GALNTL6: variants seen among roughly 807,000 people sequenced by gnomAD.
The protein encoded by GALNTL6 is polypeptide N-acetylgalactosaminyltransferase-like 6.
Under a neutral mutation model 73.7 loss-of-function variants are expected in GALNTL6, and 46 were observed. The ratio of observed to expected loss-of-function variants is 0.62; its 90% confidence interval spans 0.49 to 0.80. The LOEUF (loss-of-function observed/expected upper bound fraction) is 0.80. Among genes scored for constraint, GALNTL6 ranks in the 30% least tolerant of loss-of-function variants. The pLI is 0.00. For missense variants in GALNTL6, 604 were observed against 755.0 expected (o/e 0.80, Z 2.34); for synonymous variants, 259 against 263.7 (o/e 0.98, Z 0.17).
At chr4:172,493,420 A>G (rs1296241983) in intron 5 of GALNTL6, among the ~76,000 whole-genome samples, 1 of 152,222 alleles carries the variant, frequency 6.6e-6, no homozygotes, top group Non-Finnish European at 1.5e-5. Flanking sequence ...GAAATAGATT[A>G]TGTCAAACAG....
intron 3 of GALNTL6, among the ~76,000 whole-genome samples, chr4:172,288,853 C>T (rs1739362497): frequency 6.6e-6 from 1 of 151,894 alleles, no homozygotes; most frequent in Admixed American, 6.6e-5. Flanking sequence ...ATGAATTGAC[C>T]ATGTTATAAA....
At chr4:171,936,054 T>TA (rs921364702) in intron 2 of GALNTL6, among the ~76,000 whole-genome samples, 1 of 152,138 alleles carries the variant, frequency 6.6e-6, no homozygotes, top group African/African-American at 2.4e-5. Flanking sequence ...ATAGAAAACT[T>TA]AGACAAAAAA....
Position 172,304,179 on chromosome 4 carries a change from A to G in GALNTL6, c.248-7435A>G, listed in dbSNP as rs141242091. ...GTAGGTGCTTAATATGTGCTTTTGA[A>G]TAAGTACATGAATAACTTTCTTCAT... On this transcript the variant is annotated intron_variant, in intron 3 of 12. Transcript: ENST00000506823. Among the ~76,000 whole-genome samples the G allele has an allele frequency of 6.0e-3, 914 of 152,302 alleles. 11 individuals carry two copies. The highest frequency in any genetic ancestry group is 0.02 in the African/African-American group (846 of 41,560).
chr4:172,609,356 A>C (rs899315243), intron 5 of GALNTL6, among the ~76,000 whole-genome samples: 2 of 152,092 alleles, frequency 1.3e-5, no homozygotes, highest in African/African-American at 4.8e-5. Flanking sequence ...GACATGTAGT[A>C]TGTTGAATTT....
chr4:172,008,861 C>T (rs548471880), intron 2 of GALNTL6, among the ~76,000 whole-genome samples: 41 of 152,124 alleles, frequency 2.7e-4, no homozygotes, highest in Middle Eastern at 3.4e-3. Flanking sequence ...GAATCTACCT[C>T]TACTGCTTAG....
intron 5 of GALNTL6, among the ~76,000 whole-genome samples, chr4:172,544,027 G>A (rs1457353693): frequency 3.3e-5 from 5 of 152,176 alleles, no homozygotes; most frequent in Non-Finnish European, 5.9e-5. Flanking sequence ...AGACATGCCC[G>A]AGAGGTGGAG....
chr4:172,253,978 A>G (rs1466607151), intron 3 of GALNTL6, among the ~76,000 whole-genome samples: 1 of 151,826 alleles, frequency 6.6e-6, no homozygotes, highest in Admixed American at 6.6e-5. Context: ...GGGCACTAAA[A>G]TATGGTTACA....
intron 4 of GALNTL6, among the ~76,000 whole-genome samples, chr4:172,323,063 T>G (rs1740813616): frequency 6.6e-6 from 1 of 152,150 alleles, no homozygotes; most frequent in African/African-American, 2.4e-5. Flanking sequence ...CATGAGCACA[T>G]GGCTGCAGGA....
intron 5 of GALNTL6, among the ~76,000 whole-genome samples, chr4:172,670,084 G>A (rs192930520): frequency 1.8e-4 from 27 of 152,302 alleles, no homozygotes; most frequent in South Asian, 4.1e-4. Flanking sequence ...GGGCATTTAG[G>A]TTGATTCCAT....
intron 5 of GALNTL6, among the ~76,000 whole-genome samples, chr4:172,450,164 C>G (rs577368307): frequency 6.6e-6 from 1 of 151,610 alleles, no homozygotes; most frequent in East Asian, 1.9e-4. Flanking sequence ...TTGCAGTGAG[C>G]CAAGATCACG....
intron 5 of GALNTL6, among the ~76,000 whole-genome samples, chr4:172,443,446 G>T (rs1178037100): frequency 6.6e-6 from 1 of 151,712 alleles, no homozygotes; most frequent in African/African-American, 2.4e-5. Context: ...GATTGCAGGC[G>T]TGAGCCACTG....
At chr4:172,129,531 G>A (rs1338344195) in intron 2 of GALNTL6, among the ~76,000 whole-genome samples, 5 of 152,024 alleles carry the variant, frequency 3.3e-5, no homozygotes, top group Non-Finnish European at 5.9e-5. Context: ...ATTCCTTTCA[G>A]AACATGATCA....
chr4:172,254,043 G>A (rs1737986674), intron 3 of GALNTL6, among the ~76,000 whole-genome samples: 1 of 151,772 alleles, frequency 6.6e-6, no homozygotes, highest in Non-Finnish European at 1.5e-5. Flanking sequence ...AAGAAGGTCA[G>A]CAAGTGCAAT....
intron 2 of GALNTL6, among the ~76,000 whole-genome samples, chr4:172,100,468 T>C (rs1732478406): frequency 6.6e-6 from 1 of 152,048 alleles, no homozygotes. Context: ...CATACAAATA[T>C]AGAATAGTTG....
intron 4 of GALNTL6, among the ~76,000 whole-genome samples, chr4:172,321,253 G>A (rs1337565342): frequency 6.6e-6 from 1 of 152,062 alleles, no homozygotes; most frequent in Non-Finnish European, 1.5e-5. Flanking sequence ...GTTGGGGGTT[G>A]GGGACTACTC....
intron 5 of GALNTL6, among the ~76,000 whole-genome samples, chr4:172,613,204 A>T (rs999930722): frequency 3.9e-5 from 6 of 152,110 alleles, no homozygotes; most frequent in African/African-American, 1.4e-4. Context: ...AAGTAAAATG[A>T]AAGTTGAATT....
chr4:172,498,680 A>G (rs563936370), intron 5 of GALNTL6, among the ~76,000 whole-genome samples: 1 of 152,346 alleles, frequency 6.6e-6, no homozygotes, highest in African/African-American at 2.4e-5. Context: ...TGAGAATCAC[A>G]TAATTACATT....
chr4:172,520,598 C>T (rs1010466932), intron 5 of GALNTL6, among the ~76,000 whole-genome samples: 1 of 151,146 alleles, frequency 6.6e-6, no homozygotes, highest in African/African-American at 2.4e-5. Flanking sequence ...AAGTTGTTTC[C>T]ATTGAAAACA....
chr4:172,737,708 G>A (rs964220848), intron 5 of GALNTL6, among the ~76,000 whole-genome samples: 1 of 152,122 alleles, frequency 6.6e-6, no homozygotes, highest in South Asian at 2.1e-4. Flanking sequence ...TTGCACTGGA[G>A]AATTAGTTAT....
Sources: gnomAD v4.1 joint callset for allele counts (sites outside exome capture counted in the v4.1 genomes callset) on GRCh38, gnomAD v4.1.1 for gene constraint, MANE v1.5 for transcripts, NCBI Gene and HGNC (gene_info 2026-07-23, HGNC 2026-07-21) for gene names.